Variants in CADM2 observed in about 807,000 individuals in gnomAD.
The protein encoded by CADM2 is cell adhesion molecule 2.
In CADM2, 12 loss-of-function variants were observed where a neutral mutation model predicts 49.8. That is an observed-to-expected ratio of 0.24 (90% CI 0.15 to 0.39). CADM2 has a LOEUF of 0.39. CADM2 is among the 10% of genes least tolerant of loss of function. CADM2 has a pLI of 1.00. For synonymous variants in CADM2, 214 were observed against 175.4 expected, an observed-to-expected ratio of 1.22 and a Z score of -1.74; for missense variants, 378 against 492.3, an observed-to-expected ratio of 0.77 and a Z score of 2.20.
chr3:84,959,826 T>G (rs369180010), intron 1 of CADM2, among the ~76,000 whole-genome samples, 158 bp downstream of exon 1: 1 of 151,932 alleles, frequency 6.6e-6, no homozygotes, highest in Non-Finnish European at 1.5e-5. Context: ...CAGTGGCAGT[T>G]TGCACCAGCC....
chr3:85,957,990 A>G (rs1302066076), intron 7 of CADM2, among the ~76,000 whole-genome samples: 1 of 151,974 alleles, frequency 6.6e-6, no homozygotes, highest in African/African-American at 2.4e-5. Context: ...AAAAAATACT[A>G]TCATCAGAGT....
At chr3:85,962,573 G>A (rs1021037416) in intron 8 of CADM2, among the ~76,000 whole-genome samples, 3 of 151,850 alleles carry the variant, frequency 2.0e-5, no homozygotes, top group African/African-American at 7.2e-5. Flanking sequence ...GCCACAATGG[G>A]TTTTTCATAA....
chr3:85,068,073 T>C (rs1454559493), intron 1 of CADM2, among the ~76,000 whole-genome samples: 1 of 152,142 alleles, frequency 6.6e-6, no homozygotes, highest in Non-Finnish European at 1.5e-5. Context: ...AATAAAATAT[T>C]TTCTGTTTCT....
At chr3:85,162,181 A>T (rs1275082158) in intron 1 of CADM2, among the ~76,000 whole-genome samples, 1 of 152,108 alleles carries the variant, frequency 6.6e-6, no homozygotes, top group East Asian at 1.9e-4. Context: ...GAGGGTGTGG[A>T]TGGGTTTTTA....
At chr3:85,674,154 A>T (rs554484335) in intron 1 of CADM2, among the ~76,000 whole-genome samples, 2 of 152,070 alleles carry the variant, frequency 1.3e-5, no homozygotes, top group Non-Finnish European at 2.9e-5. Flanking sequence ...GATATTAGTT[A>T]AAAAAAATGG....
At chr3:85,347,538 CAT>C (rs902705458) in intron 1 of CADM2, among the ~76,000 whole-genome samples, 6 of 145,242 alleles carry the variant, frequency 4.1e-5, no homozygotes, top group East Asian at 2.0e-4. Context: ...TGTATACACA[CAT>C]ATATAAATAT....
intron 7 of CADM2, among the ~76,000 whole-genome samples, chr3:85,960,012 T>C (rs1447661917): frequency 6.6e-6 from 1 of 151,908 alleles, no homozygotes; most frequent in African/African-American, 2.4e-5. Flanking sequence ...CAAAAATTTC[T>C]GCTATCACCA....
intron 1 of CADM2, among the ~76,000 whole-genome samples, chr3:85,050,468 G>T (rs6765011): frequency 1.3e-5 from 2 of 152,028 alleles, no homozygotes; most frequent in African/African-American, 4.8e-5. Context: ...TTATTATAAT[G>T]AATCAGCAAT....
intron 3 of CADM2, among the ~76,000 whole-genome samples, chr3:85,836,033 C>T (rs1205156919): frequency 6.6e-6 from 1 of 151,330 alleles, no homozygotes; most frequent in Non-Finnish European, 1.5e-5. Flanking sequence ...GTCATAATTG[C>T]CCACAACTTG....
chr3:85,086,524 T>C (rs2037383462), intron 1 of CADM2, among the ~76,000 whole-genome samples: 1 of 149,920 alleles, frequency 6.7e-6, no homozygotes, highest in Non-Finnish European at 1.5e-5. Flanking sequence ...TTTTTTTTTT[T>C]TTTTTGAGAT....
At chr3:86,039,372 G>T (rs1001837051) in intron 8 of CADM2, among the ~76,000 whole-genome samples, 5 of 152,144 alleles carry the variant, frequency 3.3e-5, no homozygotes, top group Non-Finnish European at 7.3e-5. Context: ...GGAAAATAGG[G>T]TCACTCTCAC....
chr3:85,652,117 A>G (rs573510049), intron 1 of CADM2, among the ~76,000 whole-genome samples: 1 of 151,716 alleles, frequency 6.6e-6, no homozygotes, highest in African/African-American at 2.4e-5. Flanking sequence ...GCACCTGGCC[A>G]ACTAAACTTA....
At chr3:85,274,753 G>A (rs2043318614) in intron 1 of CADM2, among the ~76,000 whole-genome samples, 1 of 151,432 alleles carries the variant, frequency 6.6e-6, no homozygotes, top group Non-Finnish European at 1.5e-5. Context: ...TTGTCTTCGT[G>A]GAGTTTCATG....
rs536325733 is a variant in CADM2, at chr3:85,402,682, TC to T, written c.62-323838del. On this transcript the variant is annotated intron_variant, in intron 1 of 9. Coordinates refer to ENST00000383699, the MANE Select transcript of CADM2 (RefSeq NM_001167675.2). ...TTTGAGTCTGGGAGGTCACCAGAGG[TC>T]CTCCTCAAGACCAATTCATTTTAAA... Among the ~76,000 whole-genome samples the T allele has an allele frequency of 7.2e-4, 110 of 152,210 alleles. 4 individuals are homozygous for T. In the South Asian group the frequency reaches 0.022, roughly 30 times the overall value.
intron 1 of CADM2, among the ~76,000 whole-genome samples, chr3:85,656,174 TA>T (rs1347404523): frequency 1.3e-5 from 2 of 152,116 alleles, no homozygotes; most frequent in Non-Finnish European, 2.9e-5. Flanking sequence ...TCTTGTTTTT[TA>T]GTTTAATTAT....
intron 2 of CADM2, among the ~76,000 whole-genome samples, chr3:85,756,280 G>A (rs973146775): frequency 1.3e-5 from 2 of 152,048 alleles, no homozygotes; most frequent in Admixed American, 1.3e-4. Flanking sequence ...TCATCATCAT[G>A]TCTTTTTCTC....
At chr3:85,042,146 T>C (rs1160883442) in intron 1 of CADM2, among the ~76,000 whole-genome samples, 3 of 152,132 alleles carry the variant, frequency 2.0e-5, no homozygotes, top group Non-Finnish European at 4.4e-5. Context: ...GTACCCACTC[T>C]CATCAATGCA....
At chr3:85,112,116 A>C (rs985963456) in intron 1 of CADM2, among the ~76,000 whole-genome samples, 7 of 151,910 alleles carry the variant, frequency 4.6e-5, no homozygotes, top group Non-Finnish European at 7.4e-5. Flanking sequence ...GTTATAGATC[A>C]AGGTGCAAAA....
At chr3:85,336,946 T>A (rs1173232058) in intron 1 of CADM2, among the ~76,000 whole-genome samples, 5 of 48,386 alleles carry the variant, frequency 1.0e-4, no homozygotes, top group African/African-American at 2.0e-4. Flanking sequence ...ACTAAATATA[T>A]ATATATTTAA....
Sources: gnomAD v4.1 joint callset for allele counts (sites outside exome capture counted in the v4.1 genomes callset) on GRCh38, gnomAD v4.1.1 for gene constraint, MANE v1.5 for transcripts, NCBI Gene and HGNC (gene_info 2026-07-23, HGNC 2026-07-21) for gene names.